ATP1A2: variants seen among roughly 807,000 people sequenced by gnomAD.
ATP1A2 encodes ATPase Na+/K+ transporting subunit alpha 2, also known as sodium/potassium-transporting ATPase subunit alpha-2.
Under a neutral mutation model 113.1 loss-of-function variants are expected in ATP1A2, and 56 were observed. The ratio of observed to expected loss-of-function variants is 0.49; its 90% confidence interval spans 0.40 to 0.62. The LOEUF (loss-of-function observed/expected upper bound fraction) is 0.62. ATP1A2 is among the 20% of genes least tolerant of loss of function. The probability of loss-of-function intolerance (pLI) is 0.00; values close to 1 mark genes in which losing one functional copy is unlikely to be tolerated. For synonymous variants in ATP1A2, 490 were observed against 526.8 expected, an observed-to-expected ratio of 0.93 and a Z score of 0.96; for missense variants, 712 against 1,357.8, an observed-to-expected ratio of 0.52 and a Z score of 7.47.
rs75698264 is a variant in ATP1A2, at chr1:160,139,313, G to T, written c.2841-327G>T. Among the ~76,000 whole-genome samples the T allele has an allele frequency of 2.6e-4, 39 of 152,244 alleles. No individual in the cohort carries two copies. In the East Asian group the frequency reaches 7.3e-3, roughly 29 times the overall value. Reference sequence around the variant, plus strand: ...GGAGACACACTTTCATGGGCCCTGTGCCTGGAGCAATAACAAGATCATGAG... The same window carrying T: ...GGAGACACACTTTCATGGGCCCTGTTCCTGGAGCAATAACAAGATCATGAG... On this transcript the variant is annotated intron_variant, in intron 20 of 22. Transcript: ENST00000361216.
chr1:160,130,242 C>T lies in ATP1A2; in HGVS notation c.1602C>T (p.Ala534=). ...CGCTCGACAAGGAGATGCAAGATGC[C>T]TTTCAAAATGCCTACATGGAGCTGG... is the stretch of plus-strand genomic sequence containing the variant. ...EIPLDKEMQD[A]FQNAYMELGG... Residue 534 remains alanine, a synonymous_variant, in exon 12 of 23, where the codon GCC becomes GCT. Coordinates refer to ENST00000361216, the MANE Select transcript of ATP1A2 (RefSeq NM_000702.4). 6.2e-7 allele frequency: 1 copy of T among 1,614,200 alleles called. No individual in the cohort carries two copies. The highest frequency in any genetic ancestry group is 1.1e-5 in the South Asian group (1 of 91,084).
intron 1 of ATP1A2, 120 bp from the exon 2 acceptor site, chr1:160,120,786 C>A: frequency 2.9e-6 from 3 of 1,050,996 alleles, no homozygotes; most frequent in Non-Finnish European, 4.3e-6. Context: ...CTATCTCCCC[C>A]AAGGCAGCCG....
rs534696343 is a variant in ATP1A2 at position 160,130,117 on chromosome 1, C to T, written c.1477C>T (p.Arg493Ter). The change falls in exon 12 of 23, where the codon CGA becomes TGA. Residue 493 changes from arginine (R) to a stop codon, truncating the protein, a stop_gained. Transcript: ENST00000361216. LOFTEE classifies it high-confidence loss of function. The part of the protein sequence containing the change: ...TNKYQLSIHE[R>*]EDSPQSHVLV... ...GTCTCTCCAGCTGTCTATCCACGAG[C>T]GAGAAGACAGCCCCCAGAGCCACGT... 1.9e-6 allele frequency: 3 copies of T among 1,614,190 alleles called. No individual in the cohort carries two copies. The highest frequency in any genetic ancestry group is 1.7e-6 in the Non-Finnish European group (2 of 1,180,042).
At chr1:160,127,859 T>A in intron 8 of ATP1A2, 39 bp downstream of exon 8, 1 of 1,548,132 alleles carries the variant, frequency 6.5e-7, no homozygotes, top group Non-Finnish European at 8.7e-7. Flanking sequence ...GGGGAGGGTC[T>A]CACTACTCTT....
chr1:160,139,530 C>G, intron 20 of ATP1A2, 110 bp from the exon 21 acceptor site: 2 of 917,426 alleles, frequency 2.2e-6, no homozygotes, highest in Non-Finnish European at 3.6e-6. Flanking sequence ...AGACATGCGA[C>G]TATGTCGTTT....
At chr1:160,128,391 T>C in intron 8 of ATP1A2, 1 of 962,662 alleles carries the variant, frequency 1.0e-6, no homozygotes, top group Non-Finnish European at 1.6e-6. Context: ...GACTCAGACA[T>C]CCCTATGCTC....
rs200706103 is a variant in ATP1A2 at position 160,139,694 on chromosome 1, C to A, written c.2895C>A (p.Leu965=). 1.2e-6 allele frequency: 2 copies of A among 1,614,218 alleles called. No homozygotes were observed. Among genetic ancestry groups the A allele is most frequent in the Non-Finnish European group, 1.7e-6 (2 of 1,180,036 alleles). The change falls in exon 21 of 23, where the codon CTC becomes CTA. Residue 965 remains leucine (L), a synonymous_variant. Transcript: ENST00000361216. ...AGGAGACGGCGTTGGCTGCCTTTCT[C>A]TCTTACTGCCCAGGCATGGGTGTAG... is the stretch of plus-strand genomic sequence containing the variant. The part of the protein sequence containing the change: ...LLEETALAAF[L]SYCPGMGVAL...
At chr1:160,138,980 T>C (rs1202578112) in intron 20 of ATP1A2, among the ~76,000 whole-genome samples, 1 of 152,190 alleles carries the variant, frequency 6.6e-6, no homozygotes, top group Non-Finnish European at 1.5e-5. Flanking sequence ...CTCCATTTGA[T>C]AGAGAAGGAA....
intron 20 of ATP1A2, 28 bp downstream of exon 20, chr1:160,137,059 C>T (rs1178618103): frequency 1.2e-6 from 2 of 1,613,742 alleles, no homozygotes; most frequent in Non-Finnish European, 1.7e-6. Flanking sequence ...TGGCACCTAC[C>T]CACCCAGGCT....
At chr1:160,118,550 C>T (rs1322074111) in intron 1 of ATP1A2, among the ~76,000 whole-genome samples, 1 of 152,182 alleles carries the variant, frequency 6.6e-6, no homozygotes, top group African/African-American at 2.4e-5. Context: ...TTTCCCCACC[C>T]CTTCCATTGG....
At chr1:160,140,178 C>A (rs996120056) in intron 22 of ATP1A2, 194 bp downstream of exon 22, 8 of 615,664 alleles carry the variant, frequency 1.3e-5, no homozygotes, top group African/African-American at 1.3e-4. Context: ...CCATCAGATT[C>A]TAAACCCCGC....
rs1558010208 is a variant in ATP1A2, at chr1:160,139,758, G to A, written c.2942+17G>A. 1 of 1,613,998 alleles carries A rather than the reference G, an allele frequency of 6.2e-7. No homozygotes were observed. The highest frequency in any genetic ancestry group is 8.5e-7 in the Non-Finnish European group (1 of 1,179,890). On this transcript the variant is annotated intron_variant, in intron 21 of 22. Transcript: ENST00000361216. ...CCCGCTCAAGTGAGTGTCTCTTTCG[G>A]GCGGCCTGAGTAGTCATACGGGGGG...
At position 160,128,846 on chromosome 1, in the gene ATP1A2, G is replaced by T. The variant is rs1651668891; in HGVS notation, c.1212G>T (p.Gln404His). The T allele has an allele frequency of 6.2e-7, 1 of 1,614,176 alleles. No homozygotes were observed. The highest frequency in any genetic ancestry group is 2.2e-5 in the East Asian group (1 of 44,886). Residue 404 changes from glutamine to histidine, a missense_variant, in exon 9 of 23, where the codon CAG (glutamine) becomes CAT (histidine). Transcript: ENST00000361216. ...QIHEADTTED[Q>H]SGATFDKRSP... is the part of the protein sequence containing the mutation. ...ATGAGGCTGACACCACCGAAGATCAGTCTGGTGATTGGGTGCTCCAGAGGG... is the reference window on the plus strand; with the variant it reads ...ATGAGGCTGACACCACCGAAGATCATTCTGGTGATTGGGTGCTCCAGAGGG...
Position 160,130,089 on chromosome 1 carries a change from G to A in ATP1A2, c.1462-13G>A, listed in dbSNP as rs757012921. 6 of 1,614,024 alleles carry A rather than the reference G, an allele frequency of 3.7e-6. No individual in the cohort carries two copies. In the Admixed American group the frequency reaches 1.0e-4, roughly 27 times the overall value. Reference sequence around the variant, plus strand: ...AGTATGGCCCTCTCTGTAACTACCTGTTGTCTCTCCAGCTGTCTATCCACG... The same window carrying A: ...AGTATGGCCCTCTCTGTAACTACCTATTGTCTCTCCAGCTGTCTATCCACG... On this transcript the variant is annotated splice_polypyrimidine_tract_variant and intron_variant, in intron 11 of 22. Coordinates refer to ENST00000361216, the MANE Select transcript of ATP1A2 (RefSeq NM_000702.4).
intron 9 of ATP1A2, 64 bp from the exon 10 acceptor site, chr1:160,128,916 T>G (rs1570988925): frequency 6.2e-7 from 1 of 1,602,118 alleles, no homozygotes. Flanking sequence ...CGTGGTGGGG[T>G]GAGTGGTTGA....
intron 13 of ATP1A2, among the ~76,000 whole-genome samples, chr1:160,131,992 C>G (rs1423090495): frequency 1.3e-5 from 2 of 152,202 alleles, no homozygotes; most frequent in East Asian, 1.9e-4. Context: ...TCTCTGTGAT[C>G]AGAACCATCA....
chr1:160,116,388 G>T (rs1336660603), intron 1 of ATP1A2, among the ~76,000 whole-genome samples: 2 of 151,952 alleles, frequency 1.3e-5, no homozygotes, highest in African/African-American at 4.8e-5. Context: ...AGCTCCAGGG[G>T]CCCTGAGTGC....
chr1:160,119,467 G>A (rs1263299895), intron 1 of ATP1A2, among the ~76,000 whole-genome samples: 5 of 152,122 alleles, frequency 3.3e-5, no homozygotes, highest in Admixed American at 2.0e-4. Context: ...ATTTCCTGAG[G>A]GAAGTGGGAG....
At chr1:160,131,589 T>A (rs1160459870) in intron 13 of ATP1A2, among the ~76,000 whole-genome samples, 3 of 150,910 alleles carry the variant, frequency 2.0e-5, no homozygotes, top group Non-Finnish European at 4.4e-5. Context: ...TTTGGGGGGG[T>A]CCAAGGCTGG....
Sources: gnomAD v4.1 joint callset for allele counts (sites outside exome capture counted in the v4.1 genomes callset) on GRCh38, gnomAD v4.1.1 for gene constraint, MANE v1.5 for transcripts, NCBI Gene and HGNC (gene_info 2026-07-23, HGNC 2026-07-21) for gene names.